Variants in RCAN1 observed in about 807,000 individuals in gnomAD.
RCAN1 encodes regulator of calcineurin 1, also known as calcipressin-1.
Under a neutral mutation model 22.9 loss-of-function variants are expected in RCAN1, and 11 were observed. The ratio of observed to expected loss-of-function variants is 0.48; its 90% CI spans 0.30 to 0.79. The LOEUF (loss-of-function observed/expected upper bound fraction) is 0.79, where lower values mean the gene tolerates loss of function less well. Ranked by LOEUF, RCAN1 falls within the 30% of genes least tolerant of loss-of-function variation. RCAN1 has a pLI of 0.06. For missense variants in RCAN1, 291 were observed against 337.8 expected (o/e 0.86, Z 1.09); for synonymous variants, 136 against 142.3 (o/e 0.96, Z 0.32).
At chr21:34,525,906 T>TAA (rs146178216) in intron 1 of RCAN1, among the ~76,000 whole-genome samples, 3 of 152,054 alleles carry the variant, frequency 2.0e-5, no homozygotes, top group African/African-American at 7.3e-5. Context: ...TGATTTTTTT[T>TAA]AAAAAAAGAA....
intron 3 of RCAN1, chr21:34,521,187 C>G (rs530254892): frequency 5.9e-6 from 8 of 1,361,364 alleles, no homozygotes; most frequent in Non-Finnish European, 7.5e-6. Context: ...AACCTGGGGC[C>G]GGGGCTCAGG....
chr21:34,542,808 G>T (rs1985974452), intron 1 of RCAN1, among the ~76,000 whole-genome samples: 1 of 152,188 alleles, frequency 6.6e-6, no homozygotes, highest in Non-Finnish European at 1.5e-5. Context: ...GTAAGAGGAA[G>T]GAGAGATGGG....
chr21:34,526,540 G>T, intron 1 of RCAN1: 3 of 940,064 alleles, frequency 3.2e-6, no homozygotes, highest in South Asian at 2.0e-5. Context: ...GAAAGACTTT[G>T]GATTTCTTTC....
chr21:34,518,137 G>T lies in RCAN1; in HGVS notation c.706C>A (p.Pro236Thr). ...GGCCTCCTGGTCTGGATAATTTTTG[G>T]CTTAGGTCTCCTCATTCTTTCCATT... ...EEMERMRRPK[P>T]KIIQTRRPEY... Residue 236 changes from proline (P) to threonine (T), a missense_variant, in exon 4 of 4, where the codon CCA (proline) becomes ACA (threonine). Pro to Thr is a conservative substitution (Grantham distance 38). Coordinates refer to ENST00000313806, the MANE Select transcript of RCAN1 (RefSeq NM_004414.7). This position sits in a 1 kb window ranked among gnomAD's most constrained non-coding sequence, Gnocchi z 4.2. 4 of 1,614,182 alleles carry T rather than the reference G, an allele frequency of 2.5e-6. No individual in the cohort carries two copies. The highest frequency in any genetic ancestry group is 3.4e-6 in the Non-Finnish European group (4 of 1,180,048).
At chr21:34,557,180 T>A (rs555472809) in intron 1 of RCAN1, among the ~76,000 whole-genome samples, 1 of 152,308 alleles carries the variant, frequency 6.6e-6, no homozygotes, top group East Asian at 1.9e-4. Flanking sequence ...GCCACTGCAC[T>A]CCAGCCTTGG....
At chr21:34,563,794 T>TAGAGAGAGAGAGAG (rs60116779) in intron 1 of RCAN1, among the ~76,000 whole-genome samples, 5 of 48,720 alleles carry the variant, frequency 1.0e-4, no homozygotes, top group African/African-American at 3.4e-4. Flanking sequence ...TATATATATA[T>TAGAGAGAGAGAGAG]AGAGAGAGAG....
At chr21:34,595,513 T>G (rs1988118188) in intron 1 of RCAN1, among the ~76,000 whole-genome samples, 1 of 152,248 alleles carries the variant, frequency 6.6e-6, no homozygotes, top group African/African-American at 2.4e-5. Context: ...CAGACCCATC[T>G]ATTCATCATA....
intron 1 of RCAN1, among the ~76,000 whole-genome samples, chr21:34,586,774 G>A (rs565383337): frequency 9.9e-5 from 15 of 152,180 alleles, no homozygotes; most frequent in East Asian, 1.9e-4. Context: ...CCAACATGGC[G>A]AAACCCTGTC....
chr21:34,555,218 C>T (rs894792679), intron 1 of RCAN1, among the ~76,000 whole-genome samples: 5 of 152,180 alleles, frequency 3.3e-5, no homozygotes, highest in Admixed American at 6.5e-5. Context: ...CACTGAAATG[C>T]AGTGAGTGCC....
intron 1 of RCAN1, chr21:34,613,776 A>C: frequency 2.0e-6 from 3 of 1,491,390 alleles, no homozygotes; most frequent in Non-Finnish European, 2.7e-6. Context: ...TTATAAATAA[A>C]TGACACTTAC....
intron 1 of RCAN1, among the ~76,000 whole-genome samples, chr21:34,555,588 A>T (rs1269011764): frequency 6.6e-6 from 1 of 150,802 alleles, no homozygotes. Flanking sequence ...AAAAATAAAT[A>T]AAATAATAAT....
chr21:34,538,944 C>A (rs1258492390), intron 1 of RCAN1, among the ~76,000 whole-genome samples: 1 of 152,134 alleles, frequency 6.6e-6, no homozygotes, highest in African/African-American at 2.4e-5. Context: ...AGACTTGCAC[C>A]CTAAGTTAAT....
chr21:34,612,289 A>G (rs1988704045), intron 1 of RCAN1, among the ~76,000 whole-genome samples: 1 of 152,154 alleles, frequency 6.6e-6, no homozygotes, highest in South Asian at 2.1e-4. Context: ...TTGCTTATCC[A>G]ACCTCAGCTA....
At position 34,595,235 on chromosome 21, in the gene RCAN1, GA is replaced by G. The variant is rs376023878; in HGVS notation, c.252+19524del. Among the ~76,000 whole-genome samples the G allele has an allele frequency of 5.8e-3, 888 of 152,346 alleles. 6 individuals carry two copies. The highest frequency in any genetic ancestry group is 0.015 in the African/African-American group (614 of 41,578). ...ACCACTTGCTCTAGTAACTGGCACA[GA>G]GTGGGTGTGGCATAAATGGTGGGAG... On this transcript the variant is annotated intron_variant, in intron 1 of 3. Coordinates refer to ENST00000313806, the MANE Select transcript of RCAN1 (RefSeq NM_004414.7).
intron 1 of RCAN1, among the ~76,000 whole-genome samples, chr21:34,600,901 T>G (rs1988314628): frequency 6.6e-6 from 1 of 152,208 alleles, no homozygotes; most frequent in Non-Finnish European, 1.5e-5. Flanking sequence ...ATTCTGAATA[T>G]TCAGTATCTA....
intron 1 of RCAN1, among the ~76,000 whole-genome samples, chr21:34,563,965 CAAAAAAGA>C (rs1242182570): frequency 2.0e-5 from 3 of 149,322 alleles, no homozygotes; most frequent in African/African-American, 7.4e-5. Flanking sequence ...GACTCTGTCC[CAAAAAAGA>C]AAAAAAGAAC....
Position 34,521,504 on chromosome 21 carries a change from C to T in RCAN1, c.581G>A (p.Gly194Glu), listed in dbSNP as rs747615261. The T allele has an allele frequency of 1.2e-6, 2 of 1,614,080 alleles. No homozygotes were observed. Among genetic ancestry groups the T allele is most frequent in the Non-Finnish European group, 1.7e-6 (2 of 1,180,050 alleles). ...CACCCGAGGGCCCTGCTCACCTGGC[C>T]CCAGCTTGGAGATGGCATATAAGAG... Reference protein sequence around the residue: ...YDLLYAISKLGPGEKYELHAA... With the variant: ...YDLLYAISKLEPGEKYELHAA... Residue 194 changes from glycine (G) to glutamate (E), a missense_variant, in exon 3 of 4, where the codon GGG becomes GAG. Physicochemically the swap from Gly to Glu is moderately conservative, Grantham distance 98. Coordinates refer to ENST00000313806, the MANE Select transcript of RCAN1 (RefSeq NM_004414.7).
At chr21:34,528,590 T>C (rs1163854584) in intron 1 of RCAN1, among the ~76,000 whole-genome samples, 1 of 152,146 alleles carries the variant, frequency 6.6e-6, no homozygotes, top group Admixed American at 6.5e-5. Context: ...ACATGAAGAT[T>C]GTGGTGGTGG....
chr21:34,518,754 C>A lies in RCAN1; in HGVS notation c.587-498G>T, dbSNP rs913856700. 6.6e-6 allele frequency among the ~76,000 whole-genome samples: 1 copy of A among 152,238 alleles called. No individual in the cohort carries two copies. Among genetic ancestry groups the A allele is most frequent in the Non-Finnish European group, 1.5e-5 (1 of 68,052 alleles). ...CCTGCAGCAGACGCAGGGGTGGCTG[C>A]ACGGAGCCAGGTGCTCTGGAAACGT... On this transcript the variant is annotated intron_variant, in intron 3 of 3. Transcript: ENST00000313806. The surrounding 1 kb of genome is among the most constrained non-coding windows in gnomAD (Gnocchi z 4.2).
Sources: gnomAD v4.1 joint callset for allele counts (sites outside exome capture counted in the v4.1 genomes callset) on GRCh38, gnomAD v4.1.1 for gene constraint, Gnocchi (gnomAD v3.1) non-coding constraint, MANE v1.5 for transcripts, NCBI Gene and HGNC (gene_info 2026-07-23, HGNC 2026-07-21) for gene names.